The following SHANK2 variants were observed in gnomAD, a reference collection of about 807,000 sequenced individuals.
SHANK2 encodes the protein SH3 and multiple ankyrin repeat domains 2, also known as SH3 and multiple ankyrin repeat domains protein 2.
In SHANK2, 43 loss-of-function variants were observed where a neutral mutation model predicts 133.7. The ratio of observed to expected loss-of-function variants is 0.32; its 90% CI spans 0.25 to 0.41. The LOEUF (loss-of-function observed/expected upper bound fraction) is 0.41. Among genes scored for constraint, SHANK2 ranks in the 10% least tolerant of loss-of-function variants. The pLI is 1.00. For synonymous variants in SHANK2, 1,017 were observed against 952.8 expected, an observed-to-expected ratio of 1.07 and a Z score of -1.24; for missense variants, 1,994 against 2,235.8, an observed-to-expected ratio of 0.89 and a Z score of 2.18.
intron 10 of SHANK2, among the ~76,000 whole-genome samples, chr11:70,936,417 C>T (rs991786545): frequency 6.6e-6 from 1 of 152,136 alleles, no homozygotes; most frequent in South Asian, 2.1e-4. Flanking sequence ...GAGGCTGAGG[C>T]AGGAGAATCA....
At chr11:71,242,698 C>T (rs72957189) in intron 1 of SHANK2, among the ~76,000 whole-genome samples, 2,041 of 152,342 alleles carry the variant, frequency 0.013, 27 homozygotes, top group Non-Finnish European at 0.02. Flanking sequence ...ATTTGTCTGT[C>T]TGGTTCACTG....
intron 2 of SHANK2, among the ~76,000 whole-genome samples, chr11:71,200,651 C>T (rs1954000556): frequency 6.6e-6 from 1 of 152,128 alleles, no homozygotes; most frequent in Admixed American, 6.6e-5. Flanking sequence ...GGCCGTCTTC[C>T]TCAGCGGCAG....
At chr11:70,729,754 C>T (rs1279195964) in intron 14 of SHANK2, among the ~76,000 whole-genome samples, 15 of 151,312 alleles carry the variant, frequency 9.9e-5, no homozygotes, top group Admixed American at 5.3e-4. Flanking sequence ...AGGATGGTCT[C>T]GATCTTCTGA....
At chr11:70,607,114 G>A (rs79218369) in intron 17 of SHANK2, among the ~76,000 whole-genome samples, 19,104 of 152,160 alleles carry the variant, frequency 0.13, 1,362 homozygotes, top group Middle Eastern at 0.15. Flanking sequence ...CCCCTCAGAC[G>A]GGGGCGGCCT....
intron 1 of SHANK2, among the ~76,000 whole-genome samples, chr11:71,241,582 C>G (rs1445482775): frequency 2.0e-5 from 3 of 152,252 alleles, no homozygotes; most frequent in Non-Finnish European, 4.4e-5. Flanking sequence ...ACACTCTCCC[C>G]CCTGCTACTG....
intron 2 of SHANK2, among the ~76,000 whole-genome samples, chr11:71,159,421 C>T (rs1952966139): frequency 6.6e-6 from 1 of 152,150 alleles, no homozygotes; most frequent in African/African-American, 2.4e-5. Context: ...CAAGATAATT[C>T]CTCCCATCTC....
rs1555155449 is a variant in SHANK2 at position 70,490,308 on chromosome 11, G to A, written c.2519C>T (p.Pro840Leu). 1 of 1,614,208 alleles carries A rather than the reference G, an allele frequency of 6.2e-7. No homozygotes were observed. The highest frequency in any genetic ancestry group is 1.7e-5 in the Admixed American group (1 of 60,032). Reference protein sequence around the residue: ...GSPKAPFLGIPRGTMRRQKSI... With the variant: ...GSPKAPFLGILRGTMRRQKSI... ...TTTCTGCCTTCGCATCGTACCTCGA[G>A]GGATGCCCAGAAACGGGGCTTTTGG... Residue 840 changes from proline (P) to leucine (L), a missense_variant, in exon 23 of 26, where the codon CCT (proline) becomes CTT (leucine). Pro to Leu is a moderately conservative substitution (Grantham distance 98). Coordinates refer to ENST00000601538, the MANE Select transcript of SHANK2 (RefSeq NM_012309.5).
chr11:70,901,461 A>T (rs1555076751), intron 10 of SHANK2, among the ~76,000 whole-genome samples: 1 of 152,192 alleles, frequency 6.6e-6, no homozygotes, highest in Non-Finnish European at 1.5e-5. Flanking sequence ...TGCTTTGTCC[A>T]GGTTTTTCAG....
intron 5 of SHANK2, among the ~76,000 whole-genome samples, chr11:71,113,024 C>T (rs776739334): frequency 6.6e-6 from 1 of 152,214 alleles, no homozygotes; most frequent in Non-Finnish European, 1.5e-5. Flanking sequence ...AGAGATGCCG[C>T]TTTTGACCCT....
intron 9 of SHANK2, among the ~76,000 whole-genome samples, chr11:71,070,800 A>C (rs1951133096): frequency 6.6e-6 from 1 of 152,268 alleles, no homozygotes; most frequent in African/African-American, 2.4e-5. Context: ...CGCAAAGCCT[A>C]AAATGTTACC....
intron 10 of SHANK2, among the ~76,000 whole-genome samples, chr11:70,935,148 T>C (rs1555083254): frequency 6.6e-6 from 1 of 152,194 alleles, no homozygotes; most frequent in Non-Finnish European, 1.5e-5. Flanking sequence ...TTCTGGGCAA[T>C]GTGATGAAAT....
chr11:70,678,269 C>A (rs868981807), intron 15 of SHANK2, among the ~76,000 whole-genome samples: 1 of 152,070 alleles, frequency 6.6e-6, no homozygotes, highest in African/African-American at 2.4e-5. Flanking sequence ...GCCTCGGCCT[C>A]CTGGGTGGGA....
chr11:71,207,893 G>A (rs144922259), intron 2 of SHANK2, among the ~76,000 whole-genome samples: 26 of 152,132 alleles, frequency 1.7e-4, no homozygotes, highest in Middle Eastern at 3.4e-3. Flanking sequence ...GCAAAATGCC[G>A]AGAAAAGAAT....
chr11:70,850,670 C>T (rs969064564), intron 11 of SHANK2, among the ~76,000 whole-genome samples: 5 of 152,208 alleles, frequency 3.3e-5, no homozygotes, highest in Non-Finnish European at 4.4e-5. Flanking sequence ...CTGCAGCTCC[C>T]GTGGGCTCCT....
At chr11:70,853,510 G>C (rs1413140903) in intron 11 of SHANK2, among the ~76,000 whole-genome samples, 1 of 152,184 alleles carries the variant, frequency 6.6e-6, no homozygotes, top group African/African-American at 2.4e-5. Context: ...TTTATGGCCA[G>C]GGGGGATGCC....
At chr11:71,177,932 C>G (rs1555113314) in intron 2 of SHANK2, among the ~76,000 whole-genome samples, 1 of 152,150 alleles carries the variant, frequency 6.6e-6, no homozygotes, top group Non-Finnish European at 1.5e-5. Flanking sequence ...GAAAATGACA[C>G]ATTTGGTGAG....
At chr11:70,631,405 CACA>C (rs2060988421) in intron 17 of SHANK2, among the ~76,000 whole-genome samples, 2 of 145,652 alleles carry the variant, frequency 1.4e-5, no homozygotes, top group Non-Finnish European at 3.0e-5. Flanking sequence ...CACACACACA[CACA>C]CCCACACAAC....
At chr11:70,792,104 T>TAACCAACC (rs56696086) in intron 14 of SHANK2, among the ~76,000 whole-genome samples, 4 of 151,440 alleles carry the variant, frequency 2.6e-5, no homozygotes, top group Non-Finnish European at 5.9e-5. Context: ...GCCAGCCAGC[T>TAACCAACC]AACCAACCAA....
chr11:70,869,398 C>T (rs891930350), intron 11 of SHANK2, among the ~76,000 whole-genome samples: 8 of 152,180 alleles, frequency 5.3e-5, no homozygotes, highest in East Asian at 3.9e-4. Context: ...ATGCACCGAT[C>T]GGCACGTTAT....
Sources: allele counts gnomAD v4.1 joint callset (sites outside exome capture counted in the v4.1 genomes callset), GRCh38; gene constraint gnomAD v4.1.1; transcripts MANE v1.5; gene names NCBI Gene and HGNC (gene_info 2026-07-23, HGNC 2026-07-21).